The following PPARD variants were observed in gnomAD, a reference collection of about 807,000 sequenced individuals.
The protein encoded by PPARD is peroxisome proliferator activated receptor delta, also known as peroxisome proliferator-activated receptor delta.
Under a neutral mutation model 39.5 loss-of-function variants are expected in PPARD, and 6 were observed. That is an observed-to-expected ratio of 0.15 (90% CI 0.08 to 0.30). PPARD has a LOEUF of 0.30. Among genes scored for constraint, PPARD ranks in the 10% least tolerant of loss-of-function variants. The pLI is 1.00. For synonymous variants in PPARD, 210 were observed against 231.3 expected (o/e 0.91, Z 0.83); for missense variants, 397 against 596.8 (o/e 0.67, Z 3.49).
At chr6:35,375,209 GTTTTTTTTTTTTT>G (rs558275286) in intron 2 of PPARD, among the ~76,000 whole-genome samples, 5 of 59,232 alleles carry the variant, frequency 8.4e-5, no homozygotes, top group East Asian at 5.5e-4. Flanking sequence ...CTCCTTCCGA[GTTTTTTTTTTTTT>G]TTTTTTTTTT....
chr6:35,413,173 C>T (rs1025802559), intron 3 of PPARD, among the ~76,000 whole-genome samples: 28 of 152,190 alleles, frequency 1.8e-4, no homozygotes, highest in African/African-American at 4.3e-4. Flanking sequence ...TCACTGTTCC[C>T]GTGCAGGCCA....
At chr6:35,381,230 C>T (rs1021454464) in intron 2 of PPARD, among the ~76,000 whole-genome samples, 14 of 152,094 alleles carry the variant, frequency 9.2e-5, no homozygotes, top group Non-Finnish European at 1.9e-4. Context: ...TCCTGACCTC[C>T]AGTGAACAAT....
Position 35,424,998 on chromosome 6 carries a change from C to T in PPARD, c.1078+219C>T, listed in dbSNP as rs946759039. On this transcript the variant is annotated intron_variant, in intron 7 of 7. Coordinates refer to ENST00000360694, the MANE Select transcript of PPARD (RefSeq NM_006238.5). The surrounding 1 kb of genome is among the most constrained non-coding windows in gnomAD (Gnocchi z 7.1). ...GAGACAGGAAAAAGACTAAGCCAGA[C>T]GTGGTGGCTCACACCTGTAATCCCA... The T allele has an allele frequency of 1.4e-5, 20 of 1,398,878 alleles. 1 individual carries two copies. Among genetic ancestry groups the T allele is most frequent in the East Asian group, 5.3e-5 (2 of 37,786 alleles). The allele number at this position is 1,398,878 out of a possible 1,614,324, so 86.7% of individuals were successfully genotyped here.
In PPARD at chr6:35,375,364, C is replaced by T. The variant is rs539618008; in HGVS notation, c.-102+28214C>T. On this transcript the variant is annotated intron_variant, in intron 2 of 7. Coordinates refer to ENST00000360694, the MANE Select transcript of PPARD (RefSeq NM_006238.5). ...TCCCAAGTAGCTGGGACTACAGGCA[C>T]GTGCCACCACACGCGGCTAATTTGT... Among the ~76,000 whole-genome samples, 10 of 151,986 alleles carry T rather than the reference C, an allele frequency of 6.6e-5. No homozygotes were observed. In the South Asian group the frequency reaches 1.0e-3, roughly 16 times the overall value.
In PPARD at chr6:35,373,669, CTTTCT is replaced by C. The variant is rs1280305229; in HGVS notation, c.-102+26523_-102+26527del. Among the ~76,000 whole-genome samples the C allele has an allele frequency of 1.1e-4, 9 of 81,112 alleles. No individual in the cohort carries two copies. The East Asian group carries it at 1.1e-3, about 10-fold the overall frequency. The allele number at this position is 81,112 out of a possible 152,430, so 53.2% of individuals were successfully genotyped here. On this transcript the variant is annotated intron_variant, in intron 2 of 7. Transcript: ENST00000360694. The stretch of plus-strand genomic sequence containing the variant: ...CATTTCTTTCTTTCTTTGTTTCTTT[CTTTCT>C]TTTTTTTTTTTGAGACAAAGTCTCC...
At chr6:35,384,050 C>G (rs1441686251) in intron 2 of PPARD, among the ~76,000 whole-genome samples, 1 of 149,180 alleles carries the variant, frequency 6.7e-6, no homozygotes, top group East Asian at 2.1e-4. Context: ...GGGGGTCAGC[C>G]CCCCGCCAGG....
intron 1 of PPARD, among the ~76,000 whole-genome samples, chr6:35,345,879 T>G (rs1454568048): frequency 2.1e-5 from 3 of 145,492 alleles, no homozygotes; most frequent in Non-Finnish European, 4.5e-5. Flanking sequence ...TTTTCGTTTT[T>G]TTTTTTTTTT....
At position 35,428,149 on chromosome 6, in the gene PPARD, A is replaced by G. The variant is rs968768136; in HGVS notation, c.*2070A>G. ...TAAATAGTGTACACAGACTGACGAA[A>G]CTTTAAATAAATGGGAATTAAATAT... On this transcript the variant is annotated 3_prime_UTR_variant, in exon 8 of 8. Coordinates refer to ENST00000360694, the MANE Select transcript of PPARD (RefSeq NM_006238.5). The G allele has an allele frequency of 3.3e-5, 5 of 152,628 alleles. No individual in the cohort carries two copies. The highest frequency in any genetic ancestry group is 1.2e-4 in the African/African-American group (5 of 41,462). The allele number at this position is 152,628 out of a possible 1,614,324, so 9.5% of individuals were successfully genotyped here.
intron 2 of PPARD, among the ~76,000 whole-genome samples, chr6:35,370,037 C>T (rs1762400687): frequency 6.6e-6 from 1 of 152,184 alleles, no homozygotes; most frequent in African/African-American, 2.4e-5. Context: ...TACTAATTTA[C>T]CCTCTCACTG....
chr6:35,376,794 G>C (rs1365757500), intron 2 of PPARD, among the ~76,000 whole-genome samples: 1 of 151,634 alleles, frequency 6.6e-6, no homozygotes, highest in African/African-American at 2.4e-5. Flanking sequence ...GCCGAGGCAG[G>C]GGGATCATGA....
intron 5 of PPARD, among the ~76,000 whole-genome samples, chr6:35,422,948 T>G (rs1317761809): frequency 6.8e-6 from 1 of 147,778 alleles, no homozygotes; most frequent in African/African-American, 2.5e-5. Flanking sequence ...CCAGGTGCAG[T>G]GGCTCACACC....
At chr6:35,383,358 G>A (rs1200121565) in intron 2 of PPARD, among the ~76,000 whole-genome samples, 1 of 152,192 alleles carries the variant, frequency 6.6e-6, no homozygotes, top group African/African-American at 2.4e-5. Context: ...CTGGAGTGCA[G>A]TGGCGTGGTC....
At chr6:35,404,953 TTGTGTGTGTGTGTGTGTGTGTG>T (rs59359748) in intron 2 of PPARD, among the ~76,000 whole-genome samples, 1 of 142,132 alleles carries the variant, frequency 7.0e-6, no homozygotes, top group African/African-American at 2.7e-5. Flanking sequence ...ACTGCAGGCT[TTGTGTGTGTGTGTGTGTGTGTG>T]TGTGTGTGTG....
At chr6:35,349,226 C>T (rs966159613) in intron 2 of PPARD, among the ~76,000 whole-genome samples, 4 of 152,002 alleles carry the variant, frequency 2.6e-5, no homozygotes, top group Admixed American at 1.3e-4. Context: ...GGGGTTTCAC[C>T]GTGTTAGCCA....
At chr6:35,417,654 C>A (rs1260445003) in intron 3 of PPARD, among the ~76,000 whole-genome samples, 4 of 152,068 alleles carry the variant, frequency 2.6e-5, no homozygotes, top group Non-Finnish European at 5.9e-5. Flanking sequence ...TCCTTAGCCT[C>A]CCGAGTAGCT....
At position 35,425,897 on chromosome 6, in the gene PPARD, G is replaced by A. The variant is rs777270771; in HGVS notation, c.1144G>A (p.Glu382Lys). 9.3e-6 allele frequency: 15 copies of A among 1,614,100 alleles called. No individual in the cohort carries two copies. Among genetic ancestry groups the A allele is most frequent in the Middle Eastern group, 1.6e-4 (1 of 6,062 alleles). ...CCAGGACACCATCCTGCGTGCCCTC[G>A]AATTCCACCTGCAGGCCAACCACCC... Reference protein sequence around the residue: ...AIQDTILRALEFHLQANHPDA... With the variant: ...AIQDTILRALKFHLQANHPDA... Residue 382 changes from glutamate (E) to lysine (K), a missense_variant, in exon 8 of 8, where the codon GAA (glutamate) becomes AAA (lysine). Glu to Lys is a moderately conservative substitution (Grantham distance 56, BLOSUM62 1). Coordinates refer to ENST00000360694, the MANE Select transcript of PPARD (RefSeq NM_006238.5). This position sits in a 1 kb window ranked among gnomAD's most constrained non-coding sequence, Gnocchi z 4.5.
At chr6:35,391,438 G>A (rs567656314) in intron 2 of PPARD, among the ~76,000 whole-genome samples, 4 of 152,288 alleles carry the variant, frequency 2.6e-5, no homozygotes, top group African/African-American at 7.2e-5. Context: ...TTACGTTGTT[G>A]GTGGGAACCC....
chr6:35,422,085 A>ATGGCTGT (rs1468939876), intron 5 of PPARD, 127 bp downstream of exon 5: 14 of 1,188,594 alleles, frequency 1.2e-5, no homozygotes, highest in African/African-American at 1.5e-5. Flanking sequence ...AGTAAGCACC[A>ATGGCTGT]TGGCTGTTGG....
At position 35,425,146 on chromosome 6, in the gene PPARD, C is replaced by T. The variant is rs200244239; in HGVS notation, c.1078+367C>T. The stretch of plus-strand genomic sequence containing the variant: ...AAAATTAGCCAGATGTGGTGGCACG[C>T]GCCTGTAATCCCAGCTACTTGGGAG... On this transcript the variant is annotated intron_variant, in intron 7 of 7. Transcript: ENST00000360694. The surrounding 1 kb of genome is among the most constrained non-coding windows in gnomAD (Gnocchi z 4.5). 2.7e-4 allele frequency: 202 copies of T among 757,992 alleles called. No homozygotes were observed. Among genetic ancestry groups the T allele is most frequent in the African/African-American group, 1.8e-3 (99 of 54,300 alleles). 47.0% of individuals were successfully genotyped at this position (757,992 alleles called of 1,614,324 possible).
Sources: allele counts gnomAD v4.1 joint callset (sites outside exome capture counted in the v4.1 genomes callset), GRCh38; gene constraint gnomAD v4.1.1; non-coding constraint Gnocchi (gnomAD v3.1); transcripts MANE v1.5; gene names NCBI Gene and HGNC (gene_info 2026-07-23, HGNC 2026-07-21).